The following EPHA6 variants were observed in gnomAD, a reference collection of about 807,000 sequenced individuals.
EPHA6 encodes ephrin type-A receptor 6.
Under a neutral mutation model 112.0 loss-of-function variants are expected in EPHA6, and 50 were observed. The observed-to-expected ratio is 0.45, with a 90% confidence interval of 0.36 to 0.56. EPHA6 has a LOEUF of 0.56. EPHA6 is among the 20% of genes least tolerant of loss of function. The probability of loss-of-function intolerance (pLI) is 0.00; values close to 1 mark genes in which losing one functional copy is unlikely to be tolerated. For synonymous variants in EPHA6, 529 were observed against 490.7 expected (o/e 1.08, Z -1.03); for missense variants, 1,280 against 1,417.4 (o/e 0.90, Z 1.56).
intron 14 of EPHA6, among the ~76,000 whole-genome samples, chr3:97,651,530 C>T (rs2094107477): frequency 6.6e-6 from 1 of 152,074 alleles, no homozygotes. Context: ...TCCTTCTAAC[C>T]TAAGTGCTAA....
chr3:97,008,260 T>G (rs916137493), intron 3 of EPHA6, among the ~76,000 whole-genome samples: 1 of 152,196 alleles, frequency 6.6e-6, no homozygotes, highest in Non-Finnish European at 1.5e-5. Context: ...ATAGGTTCGG[T>G]CTTTTTATGA....
At chr3:96,915,170 A>G (rs1304404728) in intron 2 of EPHA6, among the ~76,000 whole-genome samples, 2 of 151,972 alleles carry the variant, frequency 1.3e-5, no homozygotes. Context: ...AAGAAAGTTA[A>G]AGTAAATGGC....
chr3:97,456,926 T>C (rs1268820404), intron 7 of EPHA6, among the ~76,000 whole-genome samples: 1 of 152,218 alleles, frequency 6.6e-6, no homozygotes, highest in East Asian at 1.9e-4. Flanking sequence ...ATATATTCTC[T>C]ATGTAACACT....
chr3:97,002,101 T>C (rs2856463), intron 3 of EPHA6, among the ~76,000 whole-genome samples: 41,519 of 151,752 alleles, frequency 0.27, 5,861 homozygotes, highest in Middle Eastern at 0.31. Flanking sequence ...GGATTGGTTA[T>C]TTTTTACCGC....
intron 5 of EPHA6, among the ~76,000 whole-genome samples, chr3:97,277,159 A>C (rs1389425897): frequency 6.6e-6 from 1 of 152,200 alleles, no homozygotes; most frequent in East Asian, 1.9e-4. Flanking sequence ...GGACGATTCT[A>C]ACAGGCTTTG....
At chr3:97,128,158 G>A (rs950348398) in intron 3 of EPHA6, among the ~76,000 whole-genome samples, 1 of 152,084 alleles carries the variant, frequency 6.6e-6, no homozygotes, top group Non-Finnish European at 1.5e-5. Context: ...ATGCTCTCCA[G>A]TACCACCCAA....
At chr3:97,310,767 G>A (rs1048451003) in intron 5 of EPHA6, among the ~76,000 whole-genome samples, 9 of 151,684 alleles carry the variant, frequency 5.9e-5, no homozygotes, top group Non-Finnish European at 1.0e-4. Flanking sequence ...TAAAGTGTCC[G>A]TCAAGTGTTT....
chr3:97,112,273 A>T (rs2108284656), intron 3 of EPHA6, among the ~76,000 whole-genome samples: 1 of 152,290 alleles, frequency 6.6e-6, no homozygotes. Context: ...AAAGGTTAGC[A>T]TGGGATAGTA....
intron 5 of EPHA6, among the ~76,000 whole-genome samples, chr3:97,401,382 CTAT>C (rs1387573775): frequency 6.6e-6 from 1 of 151,846 alleles, no homozygotes; most frequent in East Asian, 1.9e-4. Context: ...TTCATATTTT[CTAT>C]TTCTTCACTG....
chr3:97,460,473 C>T (rs1358583753), intron 7 of EPHA6, among the ~76,000 whole-genome samples: 2 of 152,178 alleles, frequency 1.3e-5, no homozygotes, highest in Non-Finnish European at 2.9e-5. Flanking sequence ...TGTCCTGGAG[C>T]TTATATTCTA....
intron 5 of EPHA6, among the ~76,000 whole-genome samples, chr3:97,331,825 G>A (rs1189489449): frequency 1.3e-5 from 2 of 152,058 alleles, no homozygotes; most frequent in Non-Finnish European, 2.9e-5. Context: ...TTTTACCAGA[G>A]GTACAAGGAG....
intron 5 of EPHA6, among the ~76,000 whole-genome samples, chr3:97,321,588 A>T (rs2082121855): frequency 6.6e-6 from 1 of 152,010 alleles, no homozygotes; most frequent in Admixed American, 6.6e-5. Context: ...ATAGAGTTTT[A>T]AAAACCCCCA....
At chr3:97,449,112 A>G (rs186733474) in intron 7 of EPHA6, among the ~76,000 whole-genome samples, 257 of 152,282 alleles carry the variant, frequency 1.7e-3, no homozygotes, top group African/African-American at 5.9e-3. Flanking sequence ...ATCTCAGTCA[A>G]TAAAAATAGT....
At chr3:97,433,587 A>G (rs2089644838) in intron 6 of EPHA6, among the ~76,000 whole-genome samples, 1 of 152,170 alleles carries the variant, frequency 6.6e-6, no homozygotes, top group South Asian at 2.1e-4. Context: ...GACTAGGCAT[A>G]CTTGGAAGTT....
chr3:96,819,219 A>G (rs898154845), intron 1 of EPHA6, among the ~76,000 whole-genome samples: 2 of 152,196 alleles, frequency 1.3e-5, no homozygotes, highest in African/African-American at 4.8e-5. Flanking sequence ...AGGGAAAAGT[A>G]TATATCTATT....
At chr3:97,481,247 C>T (rs1454021724) in intron 9 of EPHA6, 16 of 1,428,790 alleles carry the variant, frequency 1.1e-5, no homozygotes, top group African/African-American at 2.8e-5. Flanking sequence ...TTTTAGATCA[C>T]GTACATAACC....
intron 3 of EPHA6, among the ~76,000 whole-genome samples, chr3:96,988,677 A>G (rs2043108366): frequency 6.6e-6 from 1 of 152,096 alleles, no homozygotes; most frequent in Non-Finnish European, 1.5e-5. Context: ...TCAGAGCTTA[A>G]TTAATCTTTT....
At chr3:97,717,882 T>C (rs529105314) in intron 14 of EPHA6, among the ~76,000 whole-genome samples, 1 of 152,364 alleles carries the variant, frequency 6.6e-6, no homozygotes, top group South Asian at 2.1e-4. Flanking sequence ...GAATAATTTA[T>C]ATGAAATATC....
At chr3:97,414,287 G>T (rs960693442) in intron 6 of EPHA6, among the ~76,000 whole-genome samples, 1 of 151,948 alleles carries the variant, frequency 6.6e-6, no homozygotes, top group Non-Finnish European at 1.5e-5. Context: ...AAACACTGAG[G>T]CATTCCCCTG....
Sources: gnomAD v4.1 joint callset for allele counts (sites outside exome capture counted in the v4.1 genomes callset) on GRCh38, gnomAD v4.1.1 for gene constraint, MANE v1.5 for transcripts, NCBI Gene and HGNC (gene_info 2026-07-23, HGNC 2026-07-21) for gene names.